The following DOP1B variants were observed in gnomAD, a reference collection of about 807,000 sequenced individuals.
DOP1B encodes the protein protein DOP1B.
Under a neutral mutation model 233.5 loss-of-function variants are expected in DOP1B, and 174 were observed. The observed-to-expected ratio is 0.75, with a 90% CI of 0.66 to 0.85. DOP1B has a LOEUF of 0.85. Ranked by LOEUF, DOP1B falls within the 40% of genes least tolerant of loss-of-function variation. DOP1B has a pLI of 0.00. For missense variants in DOP1B, 2,652 were observed against 2,846.6 expected (o/e 0.93, Z 1.56); for synonymous variants, 1,190 against 1,185.6 (o/e 1.00, Z -0.08).
intron 27 of DOP1B, 125 bp downstream of exon 27, chr21:36,270,282 G>T (rs1251426652): frequency 9.9e-6 from 11 of 1,111,240 alleles, no homozygotes; most frequent in South Asian, 1.6e-5. Context: ...GCTGGGTGCG[G>T]TGGCTCACGC....
intron 13 of DOP1B, among the ~76,000 whole-genome samples, chr21:36,228,484 G>A (rs1457589073): frequency 6.6e-6 from 1 of 151,426 alleles, no homozygotes; most frequent in East Asian, 2.0e-4. Flanking sequence ...ATAAAAATAA[G>A]GGCTGGGCGC....
intron 15 of DOP1B, among the ~76,000 whole-genome samples, chr21:36,233,750 G>A (rs1397553615): frequency 6.6e-6 from 1 of 152,126 alleles, no homozygotes; most frequent in Admixed American, 6.5e-5. Flanking sequence ...CTTGGGAGAG[G>A]GTCTGTCTGT....
At chr21:36,284,540 A>T (rs1314517542) in intron 32 of DOP1B, among the ~76,000 whole-genome samples, 1 of 152,098 alleles carries the variant, frequency 6.6e-6, no homozygotes, top group Non-Finnish European at 1.5e-5. Flanking sequence ...AAGTGCTGGG[A>T]TTACAGGCAT....
At chr21:36,230,032 G>A (rs112694826) in intron 13 of DOP1B, among the ~76,000 whole-genome samples, 96 of 150,410 alleles carry the variant, frequency 6.4e-4, no homozygotes, top group Non-Finnish European at 9.5e-4. Flanking sequence ...TTAATTTGTC[G>A]GAAACAGTTC....
chr21:36,208,956 A>C, intron 5 of DOP1B, 52 bp downstream of exon 5: 1 of 1,449,014 alleles, frequency 6.9e-7, no homozygotes, highest in Non-Finnish European at 9.1e-7. Flanking sequence ...ATGTGGGCAC[A>C]GCATCCTCAT....
intron 27 of DOP1B, among the ~76,000 whole-genome samples, chr21:36,271,985 C>A (rs1601470062): frequency 8.1e-6 from 1 of 123,118 alleles, no homozygotes; most frequent in Non-Finnish European, 1.7e-5. Context: ...AAGTGATTTT[C>A]TTTGCTACTG....
At position 36,230,980 on chromosome 21, in the gene DOP1B, T is replaced by C; in HGVS notation, c.2196T>C (p.Val732=). The change falls in exon 14 of 37, where the codon GTT becomes GTC. Residue 732 remains valine (V), a synonymous_variant. Transcript: ENST00000691173. ...PARKNGGEWD[V]EKVVIDLGGS... is the part of the protein sequence containing the mutation. Reference sequence around the variant, plus strand: ...GGAAAAACGGGGGAGAATGGGATGTTGAGAAGGTGGTCATTGACCTGGGGG... The same window carrying C: ...GGAAAAACGGGGGAGAATGGGATGTCGAGAAGGTGGTCATTGACCTGGGGG... The C allele has an allele frequency of 6.2e-7, 1 of 1,614,100 alleles. No individual in the cohort carries two copies. Among genetic ancestry groups the C allele is most frequent in the East Asian group, 2.2e-5 (1 of 44,864 alleles).
intron 18 of DOP1B, among the ~76,000 whole-genome samples, chr21:36,240,553 A>G (rs1375068519): frequency 6.6e-6 from 1 of 152,262 alleles, no homozygotes; most frequent in Admixed American, 6.5e-5. Flanking sequence ...TTTATTTTCT[A>G]TCTGTGCTCT....
chr21:36,282,840 G>A (rs2067433545), intron 32 of DOP1B, among the ~76,000 whole-genome samples: 1 of 152,066 alleles, frequency 6.6e-6, no homozygotes, highest in African/African-American at 2.4e-5. Context: ...GCCTGGTGTG[G>A]TGACTCATGC....
chr21:36,292,433 G>C (rs930676892), intron 36 of DOP1B, among the ~76,000 whole-genome samples, 200 bp downstream of exon 36: 3 of 150,744 alleles, frequency 2.0e-5, no homozygotes, highest in Admixed American at 2.0e-4. Context: ...ATTTTGTTTT[G>C]TTTTGTTCTG....
At position 36,164,830 on chromosome 21, in the gene DOP1B, G is replaced by C; in HGVS notation, c.97G>C (p.Glu33Gln). The C allele has an allele frequency of 6.2e-7, 1 of 1,612,388 alleles. No homozygotes were observed. The highest frequency in any genetic ancestry group is 8.5e-7 in the Non-Finnish European group (1 of 1,179,240). Residue 33 changes from glutamate to glutamine, a missense_variant, in exon 2 of 37, where the codon GAA becomes CAA. By Grantham distance (29) the Glu-to-Gln change is conservative. Coordinates refer to ENST00000691173, the MANE Select transcript of DOP1B (RefSeq NM_001320714.2). ...KALRNFESSS[E>Q]WADLISSLGK... ...TTTGAGAAATTTTGAGTCCTCGAGT[G>C]AATGGGCGGATCTCATATCTTCACT...
At chr21:36,205,978 C>A (rs1447654651) in intron 4 of DOP1B, among the ~76,000 whole-genome samples, 2 of 150,774 alleles carry the variant, frequency 1.3e-5, no homozygotes, top group East Asian at 4.0e-4. Context: ...CCATTGCACT[C>A]CAGCCTGGGC....
intron 32 of DOP1B, among the ~76,000 whole-genome samples, chr21:36,286,639 AACACACACACACACAC>A (rs3029064): frequency 6.8e-6 from 1 of 146,458 alleles, no homozygotes; most frequent in Admixed American, 6.9e-5. Flanking sequence ...CCATCTCAAA[AACACACACACACACAC>A]ACACACACAC....
At chr21:36,292,812 C>T (rs931353972) in intron 36 of DOP1B, among the ~76,000 whole-genome samples, 2 of 151,986 alleles carry the variant, frequency 1.3e-5, no homozygotes, top group African/African-American at 4.8e-5. Context: ...CAGGTTTTCG[C>T]CATATTGGTC....
intron 2 of DOP1B, among the ~76,000 whole-genome samples, chr21:36,176,116 G>GTGTGTGTGTGTGTGTA (rs2066026939): frequency 6.6e-6 from 1 of 152,052 alleles, no homozygotes; most frequent in East Asian, 1.9e-4. Flanking sequence ...GTGTGTGTGT[G>GTGTGTGTGTGTGTGTA]TGTGTGGTGA....
At chr21:36,233,131 T>C in intron 15 of DOP1B, 56 bp downstream of exon 15, 1 of 1,569,022 alleles carries the variant, frequency 6.4e-7, no homozygotes, top group Non-Finnish European at 8.6e-7. Context: ...TGAGCAAAAC[T>C]CAGAACCGTA....
At chr21:36,279,044 C>G (rs1002619915) in intron 30 of DOP1B, among the ~76,000 whole-genome samples, 3 of 152,054 alleles carry the variant, frequency 2.0e-5, no homozygotes, top group Non-Finnish European at 2.9e-5. Flanking sequence ...TTACTGAGAT[C>G]TTGCAGCAGC....
intron 26 of DOP1B, among the ~76,000 whole-genome samples, chr21:36,268,284 A>G (rs1440571584): frequency 1.3e-5 from 2 of 152,190 alleles, no homozygotes; most frequent in Non-Finnish European, 2.9e-5. Flanking sequence ...CTAGGAAAAG[A>G]ATTTAGCGAT....
chr21:36,254,049 A>G, intron 23 of DOP1B, 140 bp downstream of exon 23: 1 of 1,158,676 alleles, frequency 8.6e-7, no homozygotes, highest in East Asian at 2.6e-5. Context: ...AGTGAAGTGG[A>G]GGTGCTGTTT....
Sources: allele counts gnomAD v4.1 joint callset (sites outside exome capture counted in the v4.1 genomes callset), GRCh38; gene constraint gnomAD v4.1.1; transcripts MANE v1.5; gene names NCBI Gene and HGNC (gene_info 2026-07-23, HGNC 2026-07-21).